Variants in AMBRA1 observed in about 807,000 individuals in gnomAD.
The protein encoded by AMBRA1 is autophagy and beclin 1 regulator 1, also known as activating molecule in BECN1-regulated autophagy protein 1.
AMBRA1 carries 47 observed loss-of-function variants against 125.4 expected under a neutral mutation model. The observed-to-expected ratio is 0.37, with a 90% CI of 0.30 to 0.48. The LOEUF (loss-of-function observed/expected upper bound fraction) is 0.48, where lower values mean the gene tolerates loss of function less well. Among genes scored for constraint, AMBRA1 ranks in the 20% least tolerant of loss-of-function variants. AMBRA1 has a pLI of 0.99. For synonymous variants in AMBRA1, 626 were observed against 655.5 expected (o/e 0.95, Z 0.69); for missense variants, 1,331 against 1,693.4 (o/e 0.79, Z 3.76).
intron 7 of AMBRA1, among the ~76,000 whole-genome samples, chr11:46,530,011 T>C (rs1952143176): frequency 6.6e-6 from 1 of 152,102 alleles, no homozygotes; most frequent in Non-Finnish European, 1.5e-5. Context: ...CTGGGACCAA[T>C]TACAATAAGC....
chr11:46,591,704 A>C (rs1767086986), intron 1 of AMBRA1, among the ~76,000 whole-genome samples: 1 of 151,750 alleles, frequency 6.6e-6, no homozygotes, highest in African/African-American at 2.4e-5. Context: ...AAAATACAAT[A>C]AATTAGCTGG....
rs1268425023 is a variant in AMBRA1, at chr11:46,547,251, C to T, written c.240G>A (p.Thr80=). The T allele has an allele frequency of 1.9e-6, 3 of 1,613,652 alleles. No individual in the cohort carries two copies. The highest frequency in any genetic ancestry group is 8.5e-7 in the Non-Finnish European group (1 of 1,179,930). Residue 80 remains threonine (T), a synonymous_variant, in exon 4 of 18, where the codon ACG becomes ACA. Transcript: ENST00000683756. ...STHVNHNIYI[T]EVKTGKCVHS... ...GAACACACTTGCCAGTCTTCACCTC[C>T]GTAATATAGATATTATGGTTCACAT...
chr11:46,489,421 G>C (rs1219258587), intron 11 of AMBRA1, among the ~76,000 whole-genome samples: 1 of 152,126 alleles, frequency 6.6e-6, no homozygotes, highest in Non-Finnish European at 1.5e-5. Context: ...TGGGATTACA[G>C]GCGTGAGCCA....
chr11:46,547,883 A>T lies in AMBRA1; in HGVS notation c.136-8T>A. On this transcript the variant is annotated splice_polypyrimidine_tract_variant and splice_region_variant and intron_variant, in intron 2 of 17. Coordinates refer to ENST00000683756, the MANE Select transcript of AMBRA1 (RefSeq NM_001387011.1). Reference sequence around the variant, plus strand: ...ATCCGGCAGTTCTACTCTCTGGGAGACAAAAAAAAAAAAAAAGTTAAAATA... The same window carrying T: ...ATCCGGCAGTTCTACTCTCTGGGAGTCAAAAAAAAAAAAAAAGTTAAAATA... 1 of 1,559,032 alleles carries T rather than the reference A, an allele frequency of 6.4e-7. No homozygotes were observed. Among genetic ancestry groups the T allele is most frequent in the South Asian group, 1.2e-5 (1 of 85,562 alleles).
chr11:46,533,632 T>A (rs374058086), intron 7 of AMBRA1, among the ~76,000 whole-genome samples: 24 of 152,298 alleles, frequency 1.6e-4, no homozygotes, highest in African/African-American at 5.1e-4. Context: ...CTCAACACAG[T>A]CTCAAGACAC....
At chr11:46,565,073 T>C (rs1478619947) in intron 1 of AMBRA1, among the ~76,000 whole-genome samples, 3 of 152,034 alleles carry the variant, frequency 2.0e-5, no homozygotes, top group Non-Finnish European at 2.9e-5. Context: ...CTGGGCATCA[T>C]GGCAAAACCT....
Position 46,464,098 on chromosome 11 carries a change from TG to T in AMBRA1, c.2522-20501del, listed in dbSNP as rs1252429252. Among the ~76,000 whole-genome samples, 3 of 152,122 alleles carry T rather than the reference TG, an allele frequency of 2.0e-5. No homozygotes were observed. In the South Asian group the frequency reaches 6.2e-4, roughly 31 times the overall value. ...GGTTAAAAAGCAAAAATTCCAACAATGGTTAATGAAAGGTTTGGAAACAATA... is the reference window on the plus strand; with the variant it reads ...GGTTAAAAAGCAAAAATTCCAACAATGTTAATGAAAGGTTTGGAAACAATA... On this transcript the variant is annotated intron_variant, in intron 11 of 17. Transcript: ENST00000683756.
In AMBRA1 at chr11:46,477,499, GAA is replaced by G. The variant is rs982612219; in HGVS notation, c.2521+16107_2521+16108del. 1.5e-4 allele frequency among the ~76,000 whole-genome samples: 17 copies of G among 112,346 alleles called. No homozygotes were observed. In the South Asian group the frequency reaches 3.0e-3, roughly 20 times the overall value. 73.7% of individuals were successfully genotyped at this position (112,346 alleles called of 152,430 possible). ...TGCTACCAAGCTCAGCTAATTTCTG[GAA>G]AAAAAAAAAAAAAAACTTTTTGTAG... On this transcript the variant is annotated intron_variant, in intron 11 of 17. Transcript: ENST00000683756.
intron 14 of AMBRA1, among the ~76,000 whole-genome samples, chr11:46,428,262 G>T (rs1189651636): frequency 6.6e-6 from 1 of 152,130 alleles, no homozygotes; most frequent in East Asian, 1.9e-4. Flanking sequence ...CTATTGATTT[G>T]TCTGGGTAAC....
intron 15 of AMBRA1, among the ~76,000 whole-genome samples, chr11:46,413,036 T>C (rs1946369766): frequency 6.6e-6 from 1 of 152,182 alleles, no homozygotes; most frequent in South Asian, 2.1e-4. Context: ...ACTGTTCACA[T>C]CAGACCTACA....
chr11:46,564,381 C>G (rs2043449244), intron 1 of AMBRA1, among the ~76,000 whole-genome samples: 1 of 152,048 alleles, frequency 6.6e-6, no homozygotes, highest in Non-Finnish European at 1.5e-5. Flanking sequence ...CTTTATCTCA[C>G]TTTTTCCTCA....
intron 11 of AMBRA1, among the ~76,000 whole-genome samples, chr11:46,489,626 G>T (rs562956225): frequency 4.5e-4 from 69 of 152,250 alleles, no homozygotes; most frequent in African/African-American, 1.6e-3. Flanking sequence ...AGTATATCAG[G>T]TCCACATCTG....
chr11:46,416,198 T>C (rs1307945173), intron 15 of AMBRA1, among the ~76,000 whole-genome samples: 3 of 152,164 alleles, frequency 2.0e-5, no homozygotes, highest in Non-Finnish European at 2.9e-5. Context: ...GCTTATTAGA[T>C]TTCTCTTATG....
chr11:46,515,744 T>TGGCTC (rs1260195811), intron 7 of AMBRA1, among the ~76,000 whole-genome samples: 8 of 152,040 alleles, frequency 5.3e-5, no homozygotes, highest in Non-Finnish European at 1.2e-4. Flanking sequence ...GGCGCAATCT[T>TGGCTC]GGCTCACTGC....
At chr11:46,541,666 C>T (rs578136404) in intron 7 of AMBRA1, among the ~76,000 whole-genome samples, 15 of 151,228 alleles carry the variant, frequency 9.9e-5, no homozygotes, top group Non-Finnish European at 8.9e-5. Context: ...TCCATCTCCT[C>T]ATGCCTCTCT....
intron 7 of AMBRA1, among the ~76,000 whole-genome samples, chr11:46,530,242 G>A (rs759953306): frequency 1.4e-4 from 21 of 152,174 alleles, no homozygotes; most frequent in Non-Finnish European, 2.8e-4. Context: ...TGACAGAAGC[G>A]ATTACATCTT....
intron 11 of AMBRA1, among the ~76,000 whole-genome samples, chr11:46,471,634 TTTG>T (rs934100359): frequency 6.6e-6 from 1 of 151,354 alleles, no homozygotes; most frequent in Non-Finnish European, 1.5e-5. Context: ...TCTGTTTTGT[TTTG>T]TTTTTTTTTT....
chr11:46,589,861 A>T (rs1027075111), intron 1 of AMBRA1, among the ~76,000 whole-genome samples: 53 of 151,494 alleles, frequency 3.5e-4, no homozygotes, highest in African/African-American at 1.3e-3. Flanking sequence ...TGACCTCATG[A>T]TCCACCCACC....
chr11:46,583,677 A>AAC (rs2044262071), intron 1 of AMBRA1, among the ~76,000 whole-genome samples: 1 of 143,832 alleles, frequency 7.0e-6, no homozygotes, highest in Non-Finnish European at 1.5e-5. Context: ...AAAAAAAAAA[A>AAC]AACAACAAAA....
Sources: allele counts gnomAD v4.1 joint callset (sites outside exome capture counted in the v4.1 genomes callset), GRCh38; gene constraint gnomAD v4.1.1; transcripts MANE v1.5; gene names NCBI Gene and HGNC (gene_info 2026-07-23, HGNC 2026-07-21).